The following DSCAM variants were observed in gnomAD, a reference collection of about 807,000 sequenced individuals.
DSCAM encodes the protein cell adhesion molecule DSCAM.
DSCAM carries 47 observed loss-of-function variants against 217.7 expected under a neutral mutation model. The ratio of observed to expected loss-of-function variants is 0.22; its 90% CI spans 0.17 to 0.28. DSCAM has a LOEUF of 0.28. Among genes scored for constraint, DSCAM ranks in the 10% least tolerant of loss-of-function variants. The probability of loss-of-function intolerance (pLI) is 1.00; values close to 1 mark genes in which losing one functional copy is unlikely to be tolerated. For synonymous variants in DSCAM, 1,056 were observed against 1,015.3 expected (o/e 1.04, Z -0.76); for missense variants, 2,080 against 2,618.3 (o/e 0.79, Z 4.49).
intron 3 of DSCAM, among the ~76,000 whole-genome samples, chr21:40,529,815 C>T (rs73364927): frequency 0.074 from 11,309 of 152,068 alleles, 679 homozygotes; most frequent in African/African-American, 0.16. Flanking sequence ...ATCTATCCCT[C>T]GGGTATCCCT....
chr21:40,762,682 T>C (rs1017107408), intron 1 of DSCAM, among the ~76,000 whole-genome samples: 1 of 152,156 alleles, frequency 6.6e-6, no homozygotes, highest in Non-Finnish European at 1.5e-5. Context: ...CAGGCCGATA[T>C]CCCTGATGAA....
At chr21:40,703,461 G>A (rs928326128) in intron 2 of DSCAM, among the ~76,000 whole-genome samples, 2 of 152,112 alleles carry the variant, frequency 1.3e-5, no homozygotes, top group African/African-American at 4.8e-5. Flanking sequence ...TGAGGCTGCA[G>A]TGAGCGATGA....
At chr21:40,046,059 C>T (rs952269237) in intron 30 of DSCAM, among the ~76,000 whole-genome samples, 1 of 152,188 alleles carries the variant, frequency 6.6e-6, no homozygotes, top group African/African-American at 2.4e-5. Context: ...GTTCAGATAA[C>T]GCCTGTTACT....
At chr21:40,572,389 A>T (rs1214624104) in intron 3 of DSCAM, among the ~76,000 whole-genome samples, 2 of 152,192 alleles carry the variant, frequency 1.3e-5, no homozygotes, top group Non-Finnish European at 2.9e-5. Context: ...AGGAAATAAG[A>T]AAGAGAAACA....
intron 2 of DSCAM, among the ~76,000 whole-genome samples, chr21:40,707,622 G>GA (rs1394639472): frequency 6.6e-6 from 1 of 152,078 alleles, no homozygotes; most frequent in East Asian, 1.9e-4. Context: ...TGGTGTATAA[G>GA]AAAAAAATCA....
At chr21:40,043,617 CCT>C (rs1555870022) in intron 31 of DSCAM, among the ~76,000 whole-genome samples, 3 of 152,098 alleles carry the variant, frequency 2.0e-5, no homozygotes, top group Non-Finnish European at 1.5e-5. Context: ...ATAACCAACC[CCT>C]GTTTAATTGT....
intron 11 of DSCAM, among the ~76,000 whole-genome samples, chr21:40,236,223 T>C (rs1291585905): frequency 6.6e-6 from 1 of 152,224 alleles, no homozygotes; most frequent in East Asian, 1.9e-4. Flanking sequence ...TTGTATGATA[T>C]GCCAAGCACT....
intron 3 of DSCAM, among the ~76,000 whole-genome samples, chr21:40,540,757 A>T (rs1200466784): frequency 6.6e-6 from 1 of 152,100 alleles, no homozygotes; most frequent in Non-Finnish European, 1.5e-5. Context: ...TGCAACCCTG[A>T]TCCCTCTTCG....
At chr21:40,085,415 G>A (rs2089518870) in intron 23 of DSCAM, among the ~76,000 whole-genome samples, 187 bp downstream of exon 23, 1 of 152,122 alleles carries the variant, frequency 6.6e-6, no homozygotes, top group Non-Finnish European at 1.5e-5. Context: ...GGTTGTGAAT[G>A]CTTTGTATTT....
rs190548255 is a variant in DSCAM, at chr21:40,632,396, T to C, written c.508+60414A>G. 3.2e-4 allele frequency among the ~76,000 whole-genome samples: 49 copies of C among 152,156 alleles called. 1 individual carries two copies. The highest frequency in any genetic ancestry group is 9.9e-4 in the African/African-American group (41 of 41,494). On this transcript the variant is annotated intron_variant, in intron 3 of 32. Coordinates refer to ENST00000400454, the MANE Select transcript of DSCAM (RefSeq NM_001389.5). ...AGAGGACAGTTGTTTTATATATACA[T>C]ATGCATACACAAATGTATTAAAAGA...
chr21:40,425,181 T>A (rs1396314966), intron 3 of DSCAM, among the ~76,000 whole-genome samples: 2 of 152,206 alleles, frequency 1.3e-5, no homozygotes, highest in East Asian at 3.9e-4. Context: ...AGGTTTGGGT[T>A]ACATAAAGGA....
At chr21:40,117,723 T>G (rs1216530614) in intron 20 of DSCAM, among the ~76,000 whole-genome samples, 1 of 152,180 alleles carries the variant, frequency 6.6e-6, no homozygotes, top group Non-Finnish European at 1.5e-5. Context: ...GTTTGTGGTG[T>G]GCGAGTACTT....
Position 40,557,151 on chromosome 21 carries a change from T to A in DSCAM, c.508+135659A>T, listed in dbSNP as rs140121314. Among the ~76,000 whole-genome samples, 1,358 of 152,188 alleles carry A rather than the reference T, an allele frequency of 8.9e-3. 76 individuals are homozygous for A. Among genetic ancestry groups the A allele is most frequent in the Admixed American group, 0.077 (1,181 of 15,282 alleles). On this transcript the variant is annotated intron_variant, in intron 3 of 32. Transcript: ENST00000400454. ...CTATGGTGTGGATGTGGTTTGTCCCTGCCAAAACCCATACTAAAATTTTAT... is the reference window on the plus strand; with the variant it reads ...CTATGGTGTGGATGTGGTTTGTCCCAGCCAAAACCCATACTAAAATTTTAT...
At chr21:40,298,419 T>C (rs2073979694) in intron 9 of DSCAM, among the ~76,000 whole-genome samples, 2 of 152,056 alleles carry the variant, frequency 1.3e-5, no homozygotes, top group Admixed American at 1.3e-4. Flanking sequence ...AACTTGCAAA[T>C]GAAATAAATA....
At chr21:40,234,088 C>T (rs528834597) in intron 11 of DSCAM, among the ~76,000 whole-genome samples, 35 of 152,324 alleles carry the variant, frequency 2.3e-4, no homozygotes, top group African/African-American at 8.4e-4. Flanking sequence ...ACCTGAAGAG[C>T]TGGCTAGCAC....
chr21:40,686,207 C>CCACACA (rs758916251), intron 3 of DSCAM, among the ~76,000 whole-genome samples: 17 of 126,500 alleles, frequency 1.3e-4, no homozygotes, highest in African/African-American at 4.8e-4. Flanking sequence ...AGCACGTACT[C>CCACACA]CACACACACA....
intron 11 of DSCAM, among the ~76,000 whole-genome samples, chr21:40,203,881 A>C (rs2091096787): frequency 6.6e-6 from 1 of 152,230 alleles, no homozygotes; most frequent in Non-Finnish European, 1.5e-5. Context: ...AAAATTTTAA[A>C]TATTTAATGT....
chr21:40,587,594 A>C (rs1249471935), intron 3 of DSCAM, among the ~76,000 whole-genome samples: 1 of 152,212 alleles, frequency 6.6e-6, no homozygotes, highest in Non-Finnish European at 1.5e-5. Context: ...TCTACTTAGC[A>C]TCTCTGTCAT....
intron 3 of DSCAM, among the ~76,000 whole-genome samples, chr21:40,411,731 G>A (rs545791658): frequency 6.6e-6 from 1 of 152,222 alleles, no homozygotes; most frequent in South Asian, 2.1e-4. Context: ...TATAAGTAAT[G>A]AAATACGAGA....
Sources: allele counts gnomAD v4.1 joint callset (sites outside exome capture counted in the v4.1 genomes callset), GRCh38; gene constraint gnomAD v4.1.1; transcripts MANE v1.5; gene names NCBI Gene and HGNC (gene_info 2026-07-23, HGNC 2026-07-21).